TBC1D8: variants seen among roughly 807,000 people sequenced by gnomAD.
The protein encoded by TBC1D8 is TBC1 domain family member 8.
TBC1D8 carries 65 observed loss-of-function variants against 118.8 expected under a neutral mutation model. The observed-to-expected ratio is 0.55, with a 90% CI of 0.45 to 0.67. The LOEUF is 0.67. TBC1D8 is among the 30% of genes least tolerant of loss of function. The pLI, the probability that TBC1D8 is intolerant of heterozygous loss-of-function variation, is 0.00. For missense variants in TBC1D8, 1,376 were observed against 1,471.2 expected (o/e 0.94, Z 1.06); for synonymous variants, 566 against 595.8 (o/e 0.95, Z 0.73).
chr2:101,083,279 C>A (rs1202277032), intron 2 of TBC1D8, among the ~76,000 whole-genome samples: 3 of 152,150 alleles, frequency 2.0e-5, no homozygotes, highest in Non-Finnish European at 4.4e-5. Flanking sequence ...AGAAATTTTA[C>A]TTCCATGAAG....
chr2:101,063,162 G>A lies in TBC1D8; in HGVS notation c.284-3623C>T, dbSNP rs377174735. ...CACCGTTAACTGATACCAGCTAACC[G>A]CATGCGTCTTCCTCAATGATAACTT... On this transcript the variant is annotated intron_variant, in intron 2 of 19. Coordinates refer to ENST00000409318, the MANE Select transcript of TBC1D8 (RefSeq NM_001330348.2). Among the ~76,000 whole-genome samples, 23 of 152,092 alleles carry A rather than the reference G, an allele frequency of 1.5e-4. No individual in the cohort carries two copies. In the East Asian group the frequency reaches 1.9e-3, roughly 13 times the overall value.
At chr2:101,127,780 G>A (rs1678417571) in intron 1 of TBC1D8, among the ~76,000 whole-genome samples, 1 of 152,150 alleles carries the variant, frequency 6.6e-6, no homozygotes, top group African/African-American at 2.4e-5. Flanking sequence ...ACCTGAGCCT[G>A]GAGGAAGTTG....
chr2:101,125,848 T>C (rs1678328022), intron 1 of TBC1D8, among the ~76,000 whole-genome samples: 1 of 152,174 alleles, frequency 6.6e-6, no homozygotes, highest in Non-Finnish European at 1.5e-5. Flanking sequence ...CCGAACTTCA[T>C]TTGAGTTCTT....
chr2:101,139,228 C>T (rs961470210), intron 1 of TBC1D8, among the ~76,000 whole-genome samples: 1 of 150,036 alleles, frequency 6.7e-6, no homozygotes, highest in Non-Finnish European at 1.5e-5. Context: ...TCTCAAGACC[C>T]AGCAGCTTGG....
intron 1 of TBC1D8, among the ~76,000 whole-genome samples, chr2:101,117,142 CA>C (rs113707702): frequency 1.3e-5 from 2 of 152,106 alleles, no homozygotes; most frequent in African/African-American, 4.8e-5. Flanking sequence ...CCCAGAACCC[CA>C]GGCAAGGCAA....
At chr2:101,125,833 C>T (rs1678326634) in intron 1 of TBC1D8, among the ~76,000 whole-genome samples, 1 of 152,196 alleles carries the variant, frequency 6.6e-6, no homozygotes, top group African/African-American at 2.4e-5. Flanking sequence ...AATTCAGAAA[C>T]ATTCCCGAAC....
intron 14 of TBC1D8, 133 bp from the exon 15 acceptor site, chr2:101,027,584 T>C: frequency 1.4e-6 from 1 of 736,412 alleles, no homozygotes; most frequent in Non-Finnish European, 2.3e-6. Flanking sequence ...CAAAGGCTCT[T>C]TTCTGACATA....
At chr2:101,019,228 T>C in intron 17 of TBC1D8, 1 of 544,152 alleles carries the variant, frequency 1.8e-6, no homozygotes, top group Non-Finnish European at 3.1e-6. Context: ...CCTTGCCTCT[T>C]CGACAGGCAA....
chr2:101,008,325 T>C, intron 19 of TBC1D8, 52 bp from the exon 20 acceptor site: 2 of 854,154 alleles, frequency 2.3e-6, no homozygotes, highest in Non-Finnish European at 3.1e-6. Context: ...GGAAGTGTCA[T>C]TTTTTTTTTT....
chr2:101,028,988 TG>T (rs1379335685), intron 12 of TBC1D8, among the ~76,000 whole-genome samples: 1 of 152,152 alleles, frequency 6.6e-6, no homozygotes, highest in Admixed American at 6.5e-5. Flanking sequence ...TTTCTCACTG[TG>T]GAAAGGAGTG....
intron 1 of TBC1D8, among the ~76,000 whole-genome samples, chr2:101,140,796 CT>C: frequency 7.1e-6 from 1 of 140,488 alleles, no homozygotes; most frequent in Non-Finnish European, 1.5e-5. Context: ...GAGTTTCACT[CT>C]TGTCGCTCAG....
At chr2:101,133,439 C>T (rs562003891) in intron 1 of TBC1D8, among the ~76,000 whole-genome samples, 12 of 152,170 alleles carry the variant, frequency 7.9e-5, no homozygotes, top group South Asian at 2.1e-4. Flanking sequence ...TAGTCCATTT[C>T]GGATGCTATA....
intron 5 of TBC1D8, among the ~76,000 whole-genome samples, chr2:101,040,881 C>G (rs542299441): frequency 5.9e-5 from 9 of 152,242 alleles, no homozygotes; most frequent in Non-Finnish European, 1.0e-4. Context: ...AACTGCATGG[C>G]CAACCTTCAG....
chr2:101,007,825 A>G lies in TBC1D8; in HGVS notation c.3464T>C (p.Leu1155Ser). ...TGCATAGCAGCTGCTGTCTTGCTAC[A>G]AGTTACTCAGCTTAAGTTCAGATTG... is the stretch of plus-strand genomic sequence containing the variant. Reference protein sequence around the residue: ...QSQSELKLSNL With the variant: ...QSQSELKLSNS Residue 1155 changes from leucine to serine, a missense_variant, in exon 20 of 20, where the codon TTG becomes TCG. Transcript: ENST00000409318. 1.2e-6 allele frequency: 2 copies of G among 1,613,438 alleles called. No homozygotes were observed. The highest frequency in any genetic ancestry group is 2.2e-5 in the South Asian group (2 of 91,050).
intron 18 of TBC1D8, 150 bp downstream of exon 18, chr2:101,011,301 C>A (rs1465706783): frequency 2.4e-6 from 2 of 837,516 alleles, no homozygotes; most frequent in Middle Eastern, 3.5e-4. Context: ...AGGAGCACTT[C>A]TGTCCTCTAA....
chr2:101,079,680 G>GTTTTT (rs35466679), intron 2 of TBC1D8, among the ~76,000 whole-genome samples: 28 of 81,796 alleles, frequency 3.4e-4, no homozygotes, highest in Non-Finnish European at 4.2e-4. Flanking sequence ...GTCCAGTCTG[G>GTTTTT]TTTTTTTTTT....
Position 101,037,650 on chromosome 2 carries a change from T to G in TBC1D8, c.1334A>C (p.Glu445Ala). ...CTCGCTATTTTGAGAAGACATCATT[T>G]CAAGATCCCCAAATCTGTGGTCACT... Reference protein sequence around the residue: ...MCSDHRFGDLEMMSSQNSEES... With the variant: ...MCSDHRFGDLAMMSSQNSEES... The change falls in exon 8 of 20, where the codon GAA becomes GCA. Residue 445 changes from glutamate to alanine, a missense_variant. By Grantham distance (107) the Glu-to-Ala change is moderately radical (BLOSUM62 -1). Transcript: ENST00000409318. 1 of 1,613,972 alleles carries G rather than the reference T, an allele frequency of 6.2e-7. No homozygotes were observed. Among genetic ancestry groups the G allele is most frequent in the South Asian group, 1.1e-5 (1 of 91,090 alleles).
intron 17 of TBC1D8, chr2:101,017,760 G>A: frequency 1.5e-6 from 2 of 1,346,840 alleles, no homozygotes; most frequent in Non-Finnish European, 2.1e-6. Flanking sequence ...TGACAAAAAG[G>A]ATAAGATGTT....
chr2:101,071,346 AAAACAAAC>A (rs534839889), intron 2 of TBC1D8, among the ~76,000 whole-genome samples: 1 of 142,466 alleles, frequency 7.0e-6, no homozygotes, highest in Admixed American at 7.3e-5. Context: ...CTCCGTCTCA[AAAACAAAC>A]AAACAAACAA....
Sources: gnomAD v4.1 joint callset for allele counts (sites outside exome capture counted in the v4.1 genomes callset) on GRCh38, gnomAD v4.1.1 for gene constraint, MANE v1.5 for transcripts, NCBI Gene and HGNC (gene_info 2026-07-23, HGNC 2026-07-21) for gene names.